Variants in EYS observed in about 807,000 individuals in gnomAD.
EYS encodes the protein EGF-like photoreceptor maintenance factor.
Under a neutral mutation model 282.1 loss-of-function variants are expected in EYS, and 250 were observed. The ratio of observed to expected loss-of-function variants is 0.89; its 90% CI spans 0.80 to 0.98. The LOEUF (loss-of-function observed/expected upper bound fraction) is 0.98, where lower values mean the gene tolerates loss of function less well. Among genes scored for constraint, EYS ranks in the 50% least tolerant of loss-of-function variants. The probability of loss-of-function intolerance (pLI) is 0.00; values close to 1 mark genes in which losing one functional copy is unlikely to be tolerated. For synonymous variants in EYS, 1,355 were observed against 1,282.9 expected, an observed-to-expected ratio of 1.06 and a Z score of -1.20; for missense variants, 4,016 against 3,709.0, an observed-to-expected ratio of 1.08 and a Z score of -2.15.
At chr6:64,154,075 A>G (rs1774832925) in intron 31 of EYS, among the ~76,000 whole-genome samples, 1 of 152,232 alleles carries the variant, frequency 6.6e-6, no homozygotes, top group Non-Finnish European at 1.5e-5. Flanking sequence ...TTGAAATAGT[A>G]TAATAACTTA....
At chr6:63,791,831 C>A (rs1770522009) in intron 37 of EYS, among the ~76,000 whole-genome samples, 1 of 151,922 alleles carries the variant, frequency 6.6e-6, no homozygotes, top group African/African-American at 2.4e-5. Flanking sequence ...TATAGAGGTA[C>A]ATAAGGAGGC....
chr6:64,602,431 C>A (rs762643934), intron 24 of EYS, among the ~76,000 whole-genome samples: 2 of 151,960 alleles, frequency 1.3e-5, no homozygotes, highest in African/African-American at 2.4e-5. Flanking sequence ...CAATAGGCAC[C>A]AGTCTTGAGC....
At chr6:63,963,122 AG>A (rs1469997137) in intron 35 of EYS, among the ~76,000 whole-genome samples, 1 of 24,046 alleles carries the variant, frequency 4.2e-5, no homozygotes, top group East Asian at 1.6e-3. Context: ...GGTGGGGGGA[AG>A]GGGGAGGCGG....
chr6:64,068,753 C>A (rs1158768301), intron 32 of EYS, among the ~76,000 whole-genome samples: 1 of 152,032 alleles, frequency 6.6e-6, no homozygotes, highest in Non-Finnish European at 1.5e-5. Context: ...CTACACTCTA[C>A]CTAGAATTAA....
intron 1 of EYS, among the ~76,000 whole-genome samples, chr6:65,655,420 A>T (rs1767786371): frequency 6.6e-6 from 1 of 151,672 alleles, no homozygotes; most frequent in Admixed American, 6.6e-5. Flanking sequence ...TGTTGTTTAT[A>T]GTATATATAG....
At chr6:65,511,165 A>G (rs1012488935) in intron 2 of EYS, among the ~76,000 whole-genome samples, 1 of 152,214 alleles carries the variant, frequency 6.6e-6, no homozygotes, top group African/African-American at 2.4e-5. Flanking sequence ...TACATTATAC[A>G]TGACATTACT....
intron 22 of EYS, among the ~76,000 whole-genome samples, chr6:64,664,638 C>T (rs759010216): frequency 5.3e-5 from 8 of 152,036 alleles, no homozygotes; most frequent in Non-Finnish European, 1.0e-4. Context: ...AGACTTTTAC[C>T]AAATGATTAG....
At chr6:64,601,481 A>C (rs1382735538) in intron 24 of EYS, among the ~76,000 whole-genome samples, 2 of 152,016 alleles carry the variant, frequency 1.3e-5, no homozygotes, top group African/African-American at 4.8e-5. Context: ...ATTATCTTCT[A>C]TCTCACACAT....
chr6:65,029,879 C>T (rs184493371), intron 13 of EYS, among the ~76,000 whole-genome samples: 24 of 152,208 alleles, frequency 1.6e-4, no homozygotes, highest in East Asian at 9.7e-4. Context: ...GTATGAGGGA[C>T]GCATTCCTGG....
At chr6:64,838,873 AT>A (rs1006984320) in intron 19 of EYS, among the ~76,000 whole-genome samples, 2 of 151,874 alleles carry the variant, frequency 1.3e-5, no homozygotes, top group African/African-American at 4.8e-5. Context: ...CTATGATACA[AT>A]TTTTTGCATT....
At chr6:65,372,688 C>T (rs1480604441) in intron 8 of EYS, among the ~76,000 whole-genome samples, 1 of 151,956 alleles carries the variant, frequency 6.6e-6, no homozygotes, top group African/African-American at 2.4e-5. Flanking sequence ...ATTGAGAATG[C>T]AATTGACATT....
intron 12 of EYS, among the ~76,000 whole-genome samples, chr6:65,159,383 C>T (rs1226503412): frequency 2.7e-5 from 4 of 150,744 alleles, no homozygotes; most frequent in Non-Finnish European, 6.0e-5. Context: ...CTAATACTTC[C>T]GTTTTATCTC....
chr6:63,885,057 C>T (rs1773229488), intron 35 of EYS, among the ~76,000 whole-genome samples: 1 of 152,116 alleles, frequency 6.6e-6, no homozygotes, highest in African/African-American at 2.4e-5. Flanking sequence ...AAAATTAACA[C>T]CAACTGAAGT....
intron 30 of EYS, among the ~76,000 whole-genome samples, chr6:64,288,550 T>A (rs1768581743): frequency 6.6e-6 from 1 of 152,010 alleles, no homozygotes; most frequent in Admixed American, 6.6e-5. Context: ...AACAAGAGAG[T>A]TCAGTGAGAC....
At chr6:64,330,413 G>C (rs1279450309) in intron 29 of EYS, among the ~76,000 whole-genome samples, 4 of 152,146 alleles carry the variant, frequency 2.6e-5, no homozygotes, top group African/African-American at 4.8e-5. Context: ...CTACCAAAGG[G>C]AGGGGGGAAA....
chr6:64,994,676 A>G (rs1771186776), intron 14 of EYS, among the ~76,000 whole-genome samples: 1 of 152,264 alleles, frequency 6.6e-6, no homozygotes, highest in Admixed American at 6.5e-5. Flanking sequence ...AGTAAAAGCA[A>G]GTAAATATAA....
chr6:64,503,783 T>TCA (rs2150513646), intron 26 of EYS, among the ~76,000 whole-genome samples: 1 of 124,070 alleles, frequency 8.1e-6, no homozygotes, highest in South Asian at 2.4e-4. Context: ...CACCTAAATA[T>TCA]CATCAAATTG....
Position 64,436,241 on chromosome 6 carries a change from C to G in EYS, c.5860G>C (p.Ala1954Pro). 6.5e-7 allele frequency: 1 copy of G among 1,543,314 alleles called. No individual in the cohort carries two copies. The highest frequency in any genetic ancestry group is 1.4e-5 in the African/African-American group (1 of 72,882). The change falls in exon 28 of 43, where the codon GCA becomes CCA. Residue 1954 changes from alanine (A) to proline (P), a missense_variant. By Grantham distance (27) the Ala-to-Pro change is conservative. Transcript: ENST00000503581. Reference sequence around the variant, plus strand: ...GTAGTATTAATGCTTTTAAATTTTGCTTCACCAGGACAGTAAAAGTGGTAC... The same window carrying G: ...GTAGTATTAATGCTTTTAAATTTTGGTTCACCAGGACAGTAAAAGTGGTAC... ...LKYHFYCPGE[A>P]KFKSINTTVR... is the part of the protein sequence containing the mutation.
intron 22 of EYS, among the ~76,000 whole-genome samples, chr6:64,809,197 A>T (rs1480504493): frequency 2.0e-5 from 3 of 152,166 alleles, no homozygotes; most frequent in African/African-American, 7.2e-5. Flanking sequence ...TAAAGCCGGG[A>T]TATAAAATGC....
Sources: allele counts gnomAD v4.1 joint callset (sites outside exome capture counted in the v4.1 genomes callset), GRCh38; gene constraint gnomAD v4.1.1; transcripts MANE v1.5; gene names NCBI Gene and HGNC (gene_info 2026-07-23, HGNC 2026-07-21).